Variants in GPC3 observed in about 807,000 individuals in gnomAD.
The protein encoded by GPC3 is glypican 3, also known as glypican-3.
Under a neutral mutation model 34.4 loss-of-function variants are expected in GPC3, and 3 were observed. That is an observed-to-expected ratio of 0.09 (90% confidence interval 0.04 to 0.23). The LOEUF is 0.23. Ranked by LOEUF, GPC3 falls within the 10% of genes least tolerant of loss-of-function variation. GPC3 has a pLI of 1.00. For missense variants in GPC3, 351 were observed against 445.6 expected (o/e 0.79, Z 1.91); for synonymous variants, 177 against 174.0 (o/e 1.02, Z -0.13).
At chrX:133,609,548 T>C (rs2070086960) in intron 6 of GPC3, among the ~76,000 whole-genome samples, 1 of 112,480 alleles carries the variant, frequency 8.9e-6, no homozygotes, top group African/African-American at 3.2e-5. Flanking sequence ...AGCTTAGCCA[T>C]TCGCAATTTG....
chrX:133,559,454 G>A (rs2069523094), intron 7 of GPC3, among the ~76,000 whole-genome samples: 1 of 111,359 alleles, frequency 9.0e-6, no homozygotes, highest in Admixed American at 9.6e-5. Context: ...AAATCTCAAG[G>A]AACTCTCTAT....
intron 2 of GPC3, among the ~76,000 whole-genome samples, chrX:133,789,306 T>C (rs1403408000): frequency 8.9e-6 from 1 of 111,788 alleles, no homozygotes; most frequent in African/African-American, 3.3e-5. Flanking sequence ...CATTACCCAG[T>C]GAGTTAGTTA....
intron 7 of GPC3, among the ~76,000 whole-genome samples, chrX:133,591,388 C>G (rs1392865668): frequency 9.0e-6 from 1 of 111,467 alleles, no homozygotes; most frequent in African/African-American, 3.3e-5. Context: ...TTCCAAATAG[C>G]TATTATGCCA....
intron 2 of GPC3, among the ~76,000 whole-genome samples, chrX:133,904,474 G>A (rs1302485943): frequency 8.9e-6 from 1 of 112,278 alleles, no homozygotes; most frequent in Non-Finnish European, 1.9e-5. Context: ...TGAGAGGTCA[G>A]AAATGGGACT....
intron 2 of GPC3, among the ~76,000 whole-genome samples, chrX:133,761,183 A>C (rs759590405): frequency 6.2e-5 from 7 of 112,150 alleles, no homozygotes; most frequent in Admixed American, 5.7e-4. Context: ...TAATGGACCC[A>C]AACAGCCAAA....
chrX:133,536,106 G>A lies in GPC3; in HGVS notation c.*18C>T. The A allele has an allele frequency of 8.5e-7, 1 of 1,179,771 alleles. No individual in the cohort carries two copies. Among genetic ancestry groups the A allele is most frequent in the East Asian group, 3.0e-5 (1 of 33,722 alleles). ...CACAGGGTGCTGTAGGGCAGCACAT[G>A]TGCTGGGCACCAGGCAGTCAGTGCA... On this transcript the variant is annotated 3_prime_UTR_variant, in exon 8 of 8. Coordinates refer to ENST00000370818, the MANE Select transcript of GPC3 (RefSeq NM_004484.4).
intron 2 of GPC3, among the ~76,000 whole-genome samples, chrX:133,826,945 G>A (rs1405051803): frequency 8.9e-6 from 1 of 112,075 alleles, no homozygotes; most frequent in Non-Finnish European, 1.9e-5. Flanking sequence ...TCAAAACTAT[G>A]CCTCTAATGA....
chrX:133,699,649 AGGGAAGTCCTTTCCACACAT>A (rs1444397678), intron 4 of GPC3, among the ~76,000 whole-genome samples: 1 of 112,290 alleles, frequency 8.9e-6, no homozygotes, highest in Non-Finnish European at 1.9e-5. Flanking sequence ...GATCTTGAAT[AGGGAAGTCCTTTCCACACAT>A]GTTGCTGTAC....
chrX:133,810,954 T>C (rs1234081089), intron 2 of GPC3, among the ~76,000 whole-genome samples: 3 of 110,510 alleles, frequency 2.7e-5, no homozygotes, highest in Middle Eastern at 4.7e-3. Flanking sequence ...CCGTTTCCTC[T>C]TTCAAAGGAG....
intron 1 of GPC3, 71 bp from the exon 2 acceptor site, chrX:133,953,282 C>T (rs1241323150): frequency 3.0e-5 from 26 of 853,208 alleles, no homozygotes; most frequent in Non-Finnish European, 4.0e-5. Context: ...CCACACCACC[C>T]CCACCCCCTA....
intron 6 of GPC3, among the ~76,000 whole-genome samples, chrX:133,620,202 A>G (rs1000572314): frequency 1.1e-5 from 1 of 94,310 alleles, no homozygotes; most frequent in African/African-American, 4.2e-5. Context: ...CCTGGGAGAC[A>G]GAGCAAGACT....
chrX:133,788,138 G>C (rs2072125780), intron 2 of GPC3, among the ~76,000 whole-genome samples: 1 of 73,461 alleles, frequency 1.4e-5, no homozygotes, highest in African/African-American at 6.2e-5. Context: ...GTATATATAT[G>C]ATACAGAAAT....
chrX:133,704,719 G>C (rs1281895280), intron 3 of GPC3, among the ~76,000 whole-genome samples: 2 of 110,602 alleles, frequency 1.8e-5, no homozygotes, highest in Non-Finnish European at 3.8e-5. Flanking sequence ...TAGGTTTTAT[G>C]ACCTGCTTCA....
chrX:133,620,324 T>C (rs781107983), intron 6 of GPC3, among the ~76,000 whole-genome samples: 39 of 110,965 alleles, frequency 3.5e-4, no homozygotes, highest in Non-Finnish European at 6.6e-4. Context: ...AACCTTTATT[T>C]TATTTTTCTA....
intron 2 of GPC3, among the ~76,000 whole-genome samples, chrX:133,903,882 G>A (rs1012585517): frequency 9.0e-6 from 1 of 111,348 alleles, no homozygotes; most frequent in Non-Finnish European, 1.9e-5. Flanking sequence ...TAGCTGAGGA[G>A]ACAGGCAAAG....
chrX:133,851,038 A>T (rs2075871740), intron 2 of GPC3, among the ~76,000 whole-genome samples: 4 of 111,287 alleles, frequency 3.6e-5, no homozygotes, highest in Admixed American at 2.8e-4. Flanking sequence ...TGGGAGTTGG[A>T]GGTGCAGTGA....
intron 3 of GPC3, among the ~76,000 whole-genome samples, chrX:133,748,595 T>C (rs1254792320): frequency 9.1e-6 from 1 of 109,434 alleles, no homozygotes; most frequent in Admixed American, 9.8e-5. Context: ...TTCACACACA[T>C]ACATTCTCAC....
chrX:133,631,888 T>C (rs1051064913), intron 6 of GPC3, among the ~76,000 whole-genome samples: 4 of 109,862 alleles, frequency 3.6e-5, no homozygotes, highest in African/African-American at 1.3e-4. Flanking sequence ...GATGAGCATT[T>C]TTCATGTGCT....
At chrX:133,672,807 T>C (rs1379633330) in intron 5 of GPC3, among the ~76,000 whole-genome samples, 2 of 109,184 alleles carry the variant, frequency 1.8e-5, no homozygotes, top group African/African-American at 6.7e-5. Context: ...CCCGCCACCA[T>C]GCCTGGCTAA....
Sources: allele counts gnomAD v4.1 joint callset (sites outside exome capture counted in the v4.1 genomes callset), GRCh38; gene constraint gnomAD v4.1.1; transcripts MANE v1.5; gene names NCBI Gene and HGNC (gene_info 2026-07-23, HGNC 2026-07-21).